Variants in PARD3B observed in about 807,000 individuals in gnomAD.
PARD3B encodes the protein partitioning defective 3 homolog B.
A neutral mutation model predicts 130.2 loss-of-function variants in PARD3B; 103 were observed. That is an observed-to-expected ratio of 0.79 (90% CI 0.67 to 0.93). The LOEUF is 0.93. Ranked by LOEUF, PARD3B falls within the 40% of genes least tolerant of loss-of-function variation. The pLI, the probability that PARD3B is intolerant of heterozygous loss-of-function variation, is 0.00. For missense variants in PARD3B, 1,609 were observed against 1,499.2 expected, an observed-to-expected ratio of 1.07 and a Z score of -1.21; for synonymous variants, 583 against 553.2, an observed-to-expected ratio of 1.05 and a Z score of -0.76.
intron 20 of PARD3B, among the ~76,000 whole-genome samples, chr2:205,442,290 CTTTT>C (rs71410814): frequency 5.7e-5 from 6 of 105,992 alleles, no homozygotes; most frequent in African/African-American, 2.1e-4. Flanking sequence ...ACAGGTTTTC[CTTTT>C]TTTTTTTTTT....
intron 1 of PARD3B, among the ~76,000 whole-genome samples, chr2:204,563,267 T>TCTCTC (rs1559158190): frequency 1.0e-3 from 62 of 59,278 alleles, no homozygotes; most frequent in East Asian, 1.9e-3. Flanking sequence ...CTCTCTCTCT[T>TCTCTC]TCTCTCTTCT....
At chr2:205,457,336 A>G (rs2048310046) in intron 20 of PARD3B, among the ~76,000 whole-genome samples, 1 of 151,948 alleles carries the variant, frequency 6.6e-6, no homozygotes, top group Non-Finnish European at 1.5e-5. Flanking sequence ...TGATCTGCAT[A>G]TTCTGTAGTG....
At position 204,913,089 on chromosome 2, in the gene PARD3B, T is replaced by C. The variant is rs532983084; in HGVS notation, c.223-52063T>C. ...AATAATATTTCCTAAAGATGCGATA[T>C]TGCATTTAATATGTTCACAGGAGAC... On this transcript the variant is annotated intron_variant, in intron 2 of 22. Coordinates refer to ENST00000406610, the MANE Select transcript of PARD3B (RefSeq NM_001302769.2). Among the ~76,000 whole-genome samples, 4 of 152,342 alleles carry C rather than the reference T, an allele frequency of 2.6e-5. No homozygotes were observed. The East Asian group carries it at 7.7e-4, about 29-fold the overall frequency.
chr2:205,374,615 TTTTA>T (rs2044964745), intron 18 of PARD3B, among the ~76,000 whole-genome samples: 1 of 152,190 alleles, frequency 6.6e-6, no homozygotes, highest in South Asian at 2.1e-4. Context: ...TGTTTCCTGG[TTTTA>T]TTTAATATGA....
At chr2:204,737,014 C>T (rs1046880451) in intron 2 of PARD3B, among the ~76,000 whole-genome samples, 8 of 152,314 alleles carry the variant, frequency 5.3e-5, no homozygotes, top group South Asian at 2.1e-4. Flanking sequence ...ATGGCCCAAT[C>T]TCAGCTCACT....
At chr2:204,978,284 C>A (rs1692363367) in intron 3 of PARD3B, among the ~76,000 whole-genome samples, 1 of 152,092 alleles carries the variant, frequency 6.6e-6, no homozygotes, top group African/African-American at 2.4e-5. Flanking sequence ...TTACACAGAT[C>A]AATAATGCTT....
intron 2 of PARD3B, among the ~76,000 whole-genome samples, chr2:204,723,935 G>T (rs959254562): frequency 2.0e-5 from 3 of 152,018 alleles, no homozygotes; most frequent in Non-Finnish European, 4.4e-5. Context: ...TCCTATGCAA[G>T]TAATAAATTT....
intron 20 of PARD3B, among the ~76,000 whole-genome samples, chr2:205,449,430 C>T (rs533320479): frequency 2.8e-4 from 42 of 151,998 alleles, no homozygotes; most frequent in Admixed American, 5.2e-4. Context: ...AGGGTTTCAT[C>T]GTGTTGGCCA....
chr2:204,808,262 A>G (rs968401259), intron 2 of PARD3B, among the ~76,000 whole-genome samples: 1 of 152,034 alleles, frequency 6.6e-6, no homozygotes, highest in African/African-American at 2.4e-5. Context: ...GAGTGAAATC[A>G]CTTATTTGTA....
At chr2:204,650,883 G>A (rs2035453101) in intron 1 of PARD3B, among the ~76,000 whole-genome samples, 1 of 127,068 alleles carries the variant, frequency 7.9e-6, no homozygotes, top group Non-Finnish European at 1.6e-5. Context: ...TTACCATGGG[G>A]GAGTGAGAGA....
At chr2:204,849,918 G>T (rs2044640163) in intron 2 of PARD3B, among the ~76,000 whole-genome samples, 1 of 152,120 alleles carries the variant, frequency 6.6e-6, no homozygotes, top group South Asian at 2.1e-4. Context: ...GTGGTTTCTG[G>T]TAATGGAGAA....
intron 2 of PARD3B, among the ~76,000 whole-genome samples, chr2:204,939,609 A>C (rs1216889892): frequency 1.3e-5 from 2 of 152,188 alleles, no homozygotes; most frequent in Non-Finnish European, 2.9e-5. Context: ...TCAGGAATCA[A>C]TATTTTTTAA....
At chr2:205,304,015 A>G (rs1283670662) in intron 18 of PARD3B, among the ~76,000 whole-genome samples, 1 of 152,226 alleles carries the variant, frequency 6.6e-6, no homozygotes, top group Non-Finnish European at 1.5e-5. Flanking sequence ...AACCCTTAGG[A>G]GATACCTCAT....
At chr2:205,569,260 C>T (rs948455376) in intron 22 of PARD3B, among the ~76,000 whole-genome samples, 1 of 151,654 alleles carries the variant, frequency 6.6e-6, no homozygotes, top group East Asian at 1.9e-4. Context: ...TTCCTAGAGC[C>T]CTTCATATAT....
chr2:205,347,042 T>G (rs1381538780), intron 18 of PARD3B, among the ~76,000 whole-genome samples: 1 of 152,240 alleles, frequency 6.6e-6, no homozygotes, highest in East Asian at 1.9e-4. Context: ...CTTCCACTTA[T>G]TTCCATTAAA....
At chr2:204,929,222 T>C (rs1687848193) in intron 2 of PARD3B, among the ~76,000 whole-genome samples, 1 of 152,244 alleles carries the variant, frequency 6.6e-6, no homozygotes, top group Non-Finnish European at 1.5e-5. Context: ...ACTATGTATA[T>C]CATAGGTAAG....
chr2:204,887,001 C>A lies in PARD3B; in HGVS notation c.223-78151C>A, dbSNP rs1249935116. Among the ~76,000 whole-genome samples the A allele has an allele frequency of 6.6e-6, 1 of 152,174 alleles. No individual in the cohort carries two copies. Among genetic ancestry groups the A allele is most frequent in the Admixed American group, 6.5e-5 (1 of 15,284 alleles). ...TTTCAAAGGCCCACAGGGTATGTATCATTATACTGAGTGTTTTATGCAGAA... is the reference window on the plus strand; with the variant it reads ...TTTCAAAGGCCCACAGGGTATGTATAATTATACTGAGTGTTTTATGCAGAA... On this transcript the variant is annotated intron_variant, in intron 2 of 22. Transcript: ENST00000406610. This position sits in a 1 kb window ranked among gnomAD's most constrained non-coding sequence, Gnocchi z 4.2.
At chr2:204,660,697 C>G (rs936064269) in intron 1 of PARD3B, among the ~76,000 whole-genome samples, 1 of 152,102 alleles carries the variant, frequency 6.6e-6, no homozygotes, top group Non-Finnish European at 1.5e-5. Flanking sequence ...ACTACTCTTC[C>G]TATTTGGTGA....
chr2:204,941,495 G>T (rs1688902157), intron 2 of PARD3B, among the ~76,000 whole-genome samples: 1 of 152,208 alleles, frequency 6.6e-6, no homozygotes, highest in Non-Finnish European at 1.5e-5. Context: ...ATTTTGTTTT[G>T]TTTTCTCCTC....
Sources: gnomAD v4.1 joint callset for allele counts (sites outside exome capture counted in the v4.1 genomes callset) on GRCh38, gnomAD v4.1.1 for gene constraint, Gnocchi (gnomAD v3.1) non-coding constraint, MANE v1.5 for transcripts, NCBI Gene and HGNC (gene_info 2026-07-23, HGNC 2026-07-21) for gene names.